KCTD19: variants seen among roughly 807,000 people sequenced by gnomAD.
KCTD19 encodes the protein BTB/POZ domain-containing protein KCTD19.
KCTD19 carries 67 observed loss-of-function variants against 103.5 expected under a neutral mutation model. The ratio of observed to expected loss-of-function variants is 0.65; its 90% CI spans 0.53 to 0.79. The LOEUF (loss-of-function observed/expected upper bound fraction) is 0.79. KCTD19 is among the 30% of genes least tolerant of loss of function. The pLI is 0.00. For synonymous variants in KCTD19, 439 were observed against 452.2 expected (o/e 0.97, Z 0.37); for missense variants, 980 against 1,136.1 (o/e 0.86, Z 1.98).
At chr16:67,296,128 TG>T in intron 8 of KCTD19, 30 bp downstream of exon 8, 1 of 1,320,346 alleles carries the variant, frequency 7.6e-7, no homozygotes, top group Non-Finnish European at 1.1e-6. Flanking sequence ...TGATGCCAGA[TG>T]GGGAGCAGGG....
intron 4 of KCTD19, chr16:67,302,894 T>C (rs2036849918): frequency 2.0e-6 from 1 of 497,432 alleles, no homozygotes; most frequent in African/African-American, 2.0e-5. Flanking sequence ...CCTAGCACTT[T>C]CCAGTGCCTG....
chr16:67,325,339 A>G (rs2037133630), intron 1 of KCTD19, among the ~76,000 whole-genome samples: 1 of 149,984 alleles, frequency 6.7e-6, no homozygotes, highest in African/African-American at 2.5e-5. Context: ...AGCCTCCTCA[A>G]GTAGCTGGGA....
At chr16:67,324,511 C>A in intron 1 of KCTD19, among the ~76,000 whole-genome samples, 1 of 152,152 alleles carries the variant, frequency 6.6e-6, no homozygotes, top group Admixed American at 6.6e-5. Context: ...CAAATATGAG[C>A]AAAATGTTGA....
At chr16:67,311,038 A>G (rs894353222) in intron 2 of KCTD19, among the ~76,000 whole-genome samples, 5 of 152,234 alleles carry the variant, frequency 3.3e-5, no homozygotes, top group African/African-American at 4.8e-5. Flanking sequence ...CATCTTGAGC[A>G]TAACACTGAG....
At chr16:67,298,141 C>T (rs1255838111) in intron 6 of KCTD19, among the ~76,000 whole-genome samples, 1 of 151,954 alleles carries the variant, frequency 6.6e-6, no homozygotes, top group Non-Finnish European at 1.5e-5. Flanking sequence ...CTACAGGCAC[C>T]CGCCACCATG....
intron 2 of KCTD19, among the ~76,000 whole-genome samples, chr16:67,312,280 C>T (rs1258516933): frequency 6.6e-6 from 1 of 152,178 alleles, no homozygotes; most frequent in Non-Finnish European, 1.5e-5. Context: ...GGAAATTCCA[C>T]ACTCTGCAGC....
At chr16:67,311,123 T>C (rs753862319) in intron 2 of KCTD19, among the ~76,000 whole-genome samples, 4 of 152,102 alleles carry the variant, frequency 2.6e-5, no homozygotes, top group Non-Finnish European at 5.9e-5. Flanking sequence ...GTTTGTTTCA[T>C]GAAAACATGA....
intron 2 of KCTD19, among the ~76,000 whole-genome samples, chr16:67,315,283 C>T (rs1472876869): frequency 6.6e-6 from 1 of 151,952 alleles, no homozygotes; most frequent in Non-Finnish European, 1.5e-5. Flanking sequence ...CCACTATAAC[C>T]TCAGGGTATT....
chr16:67,305,660 T>TC, intron 2 of KCTD19: 1 of 453,166 alleles, frequency 2.2e-6, no homozygotes, highest in South Asian at 1.6e-5. Flanking sequence ...CCTTTTTTTT[T>TC]CTGTCTTTAC....
intron 15 of KCTD19, among the ~76,000 whole-genome samples, chr16:67,290,285 C>A (rs2036667963): frequency 7.2e-6 from 1 of 139,708 alleles, no homozygotes; most frequent in African/African-American, 2.7e-5. Context: ...TTACGCCATT[C>A]TCCTGCCTCA....
chr16:67,292,204 AG>A (rs1466970638), intron 12 of KCTD19, among the ~76,000 whole-genome samples: 49 of 152,292 alleles, frequency 3.2e-4, no homozygotes, highest in African/African-American at 1.2e-3. Flanking sequence ...AATCTTCATA[AG>A]CAGGGACTCT....
chr16:67,290,123 A>G (rs1030135621), intron 15 of KCTD19, among the ~76,000 whole-genome samples: 3 of 152,010 alleles, frequency 2.0e-5, no homozygotes, highest in African/African-American at 7.2e-5. Context: ...AAAAGGAAAA[A>G]GAAAAAAACC....
chr16:67,301,937 G>A lies in KCTD19; in HGVS notation c.644-15C>T. 6.2e-7 allele frequency: 1 copy of A among 1,613,586 alleles called. No homozygotes were observed. Among genetic ancestry groups the A allele is most frequent in the Non-Finnish European group, 8.5e-7 (1 of 1,179,692 alleles). Reference sequence around the variant, plus strand: ...AAGAAAATTCACTTGAAAAACAAAGGGGAACACAGTGAGTTAATGAGGCTA... The same window carrying A: ...AAGAAAATTCACTTGAAAAACAAAGAGGAACACAGTGAGTTAATGAGGCTA... On this transcript the variant is annotated splice_polypyrimidine_tract_variant and intron_variant, in intron 4 of 15. Transcript: ENST00000304372.
intron 5 of KCTD19, 50 bp downstream of exon 5, chr16:67,301,740 CA>C: frequency 6.3e-7 from 1 of 1,578,816 alleles, no homozygotes; most frequent in South Asian, 1.1e-5. Context: ...TTGGCTTTTC[CA>C]GGTCAAGCCA....
chr16:67,319,714 T>C (rs549838367), intron 2 of KCTD19, among the ~76,000 whole-genome samples: 4 of 150,326 alleles, frequency 2.7e-5, no homozygotes, highest in African/African-American at 4.9e-5. Context: ...ATAATAATAA[T>C]AAAGTTTCTT....
At chr16:67,308,878 A>T (rs1004795383) in intron 2 of KCTD19, among the ~76,000 whole-genome samples, 1 of 152,138 alleles carries the variant, frequency 6.6e-6, no homozygotes, top group Non-Finnish European at 1.5e-5. Context: ...CACACCTGTA[A>T]TCCCAGCACT....
chr16:67,302,293 C>G, intron 4 of KCTD19: 1 of 212,964 alleles, frequency 4.7e-6, no homozygotes, highest in South Asian at 8.3e-5. Flanking sequence ...CCCGGCCGAG[C>G]CTGGGCTGGC....
rs1315132351 is a variant in KCTD19 at position 67,289,477 on chromosome 16, T to C, written c.*92A>G. The C allele has an allele frequency of 4.1e-6, 3 of 735,292 alleles. No individual in the cohort carries two copies. Among genetic ancestry groups the C allele is most frequent in the Admixed American group, 2.1e-5 (1 of 46,978 alleles). 45.5% of individuals were successfully genotyped at this position (735,292 alleles called of 1,614,324 possible). The stretch of plus-strand genomic sequence containing the variant: ...GTTTATAATAAAAAATAGACTGATA[T>C]GTACCCTCTGATGGGCACATGCATT... On this transcript the variant is annotated 3_prime_UTR_variant, in exon 16 of 16. Transcript: ENST00000304372.
rs1567450711 is a variant in KCTD19, at chr16:67,303,483, CTTCT to C, written c.452-150_452-147del. On this transcript the variant is annotated intron_variant, in intron 3 of 15. Coordinates refer to ENST00000304372, the MANE Select transcript of KCTD19 (RefSeq NM_001100915.3). The surrounding 1 kb of genome is among the most constrained non-coding windows in gnomAD (Gnocchi z 4.3). ...CTTGCCACTTGCCAGACACATCTTC[CTTCT>C]TTATCTTTTCAGTTGTAGCCCTAAG... 3.3e-6 allele frequency: 2 copies of C among 597,962 alleles called. No homozygotes were observed. Among genetic ancestry groups the C allele is most frequent in the Non-Finnish European group, 5.8e-6 (2 of 343,870 alleles). 37.0% of individuals were successfully genotyped at this position (597,962 alleles called of 1,614,324 possible). A position where few individuals can be genotyped will look rare whatever the true frequency, so the allele number is the denominator to read the frequency against.
Sources: allele counts gnomAD v4.1 joint callset (sites outside exome capture counted in the v4.1 genomes callset), GRCh38; gene constraint gnomAD v4.1.1; non-coding constraint Gnocchi (gnomAD v3.1); transcripts MANE v1.5; gene names NCBI Gene and HGNC (gene_info 2026-07-23, HGNC 2026-07-21).